BCAS3: variants seen among roughly 807,000 people sequenced by gnomAD.
BCAS3 encodes BCAS3 microtubule associated cell migration factor, also known as BCAS4/BCAS3 fusion.
A neutral mutation model predicts 116.1 loss-of-function variants in BCAS3; 53 were observed. That is an observed-to-expected ratio of 0.46 (90% confidence interval 0.37 to 0.57). BCAS3 has a LOEUF of 0.57. Ranked by LOEUF, BCAS3 falls within the 20% of genes least tolerant of loss-of-function variation. The pLI is 0.00. For synonymous variants in BCAS3, 391 were observed against 408.2 expected (o/e 0.96, Z 0.51); for missense variants, 917 against 1,165.4 (o/e 0.79, Z 3.10).
Position 61,361,869 on chromosome 17 carries a change from A to G in BCAS3, c.2426-6458A>G, listed in dbSNP as rs1209410129. ...CAGGAATTAGTGTCCTAACTCCGAC[A>G]GAGAGAACAAATTTGCCTTTCCTCC... On this transcript the variant is annotated intron_variant, in intron 22 of 23. Coordinates refer to ENST00000407086, the MANE Select transcript of BCAS3 (RefSeq NM_017679.5). The surrounding 1 kb of genome is among the most constrained non-coding windows in gnomAD (Gnocchi z 6.5). The G allele has an allele frequency of 2.0e-5, 3 of 152,232 alleles. No individual in the cohort carries two copies. The South Asian group carries it at 6.2e-4, about 32-fold the overall frequency. 9.4% of individuals were successfully genotyped at this position (152,232 alleles called of 1,614,324 possible).
chr17:60,685,317 C>T (rs1372765835), intron 3 of BCAS3, among the ~76,000 whole-genome samples: 2 of 151,884 alleles, frequency 1.3e-5, no homozygotes, highest in East Asian at 1.9e-4. Flanking sequence ...GGTGTGGTGG[C>T]GCATGCCTGT....
intron 22 of BCAS3, among the ~76,000 whole-genome samples, chr17:61,253,127 C>T (rs550700997): frequency 1.3e-5 from 2 of 151,552 alleles, no homozygotes; most frequent in Non-Finnish European, 2.9e-5. Flanking sequence ...CCACTTGCCT[C>T]GGCCTCCCAA....
intron 11 of BCAS3, among the ~76,000 whole-genome samples, chr17:60,904,399 G>C (rs903228711): frequency 2.7e-5 from 4 of 148,150 alleles, no homozygotes; most frequent in South Asian, 4.2e-4. Context: ...GCGAGACTCT[G>C]TCTCAAAACA....
At chr17:60,809,421 A>G (rs2048587802) in intron 7 of BCAS3, among the ~76,000 whole-genome samples, 1 of 152,240 alleles carries the variant, frequency 6.6e-6, no homozygotes, top group Admixed American at 6.5e-5. Flanking sequence ...TAATCTTTGC[A>G]CAATAACAGT....
chr17:61,123,285 T>G (rs2075881304), intron 22 of BCAS3, among the ~76,000 whole-genome samples: 1 of 152,048 alleles, frequency 6.6e-6, no homozygotes, highest in African/African-American at 2.4e-5. Flanking sequence ...CTACATTTCC[T>G]TAGGTGCAGC....
intron 14 of BCAS3, among the ~76,000 whole-genome samples, chr17:60,965,826 A>G (rs1159114240): frequency 6.6e-6 from 1 of 152,316 alleles, no homozygotes; most frequent in African/African-American, 2.4e-5. Context: ...CAGCAGTTGG[A>G]TAAAATGTTC....
Position 61,124,825 on chromosome 17 carries a change from C to T in BCAS3, c.2425+40261C>T, listed in dbSNP as rs1055271933. Among the ~76,000 whole-genome samples, 2 of 152,142 alleles carry T rather than the reference C, an allele frequency of 1.3e-5. No individual in the cohort carries two copies. The highest frequency in any genetic ancestry group is 4.8e-5 in the African/African-American group (2 of 41,436). On this transcript the variant is annotated intron_variant, in intron 22 of 23. Coordinates refer to ENST00000407086, the MANE Select transcript of BCAS3 (RefSeq NM_017679.5). This position sits in a 1 kb window ranked among gnomAD's most constrained non-coding sequence, Gnocchi z 4.6. The stretch of plus-strand genomic sequence containing the variant: ...GATTTTCTGTGTTAGAAGATGCTAT[C>T]GGCTCACCTGGCCTCTTAGTGACAG...
intron 14 of BCAS3, among the ~76,000 whole-genome samples, chr17:60,963,525 G>A (rs115296965): frequency 0.01 from 1,534 of 146,670 alleles, 35 homozygotes; most frequent in African/African-American, 0.037. Flanking sequence ...TTTTCAGATT[G>A]TTCCCTGTTG....
chr17:61,350,244 G>T (rs908042455), intron 22 of BCAS3, among the ~76,000 whole-genome samples: 1 of 151,738 alleles, frequency 6.6e-6, no homozygotes, highest in South Asian at 2.1e-4. Flanking sequence ...GTGAAACCCC[G>T]TCTCTACTAA....
intron 7 of BCAS3, among the ~76,000 whole-genome samples, chr17:60,837,809 G>A (rs759845670): frequency 6.6e-6 from 1 of 151,942 alleles, no homozygotes; most frequent in Non-Finnish European, 1.5e-5. Context: ...GTGCCACCAT[G>A]CTTGGCTAAT....
intron 15 of BCAS3, among the ~76,000 whole-genome samples, chr17:61,015,489 T>G (rs2065393260): frequency 6.6e-6 from 1 of 152,094 alleles, no homozygotes; most frequent in African/African-American, 2.4e-5. Context: ...GGGGTCTCAC[T>G]CTGTTGCCCA....
intron 22 of BCAS3, among the ~76,000 whole-genome samples, chr17:61,274,327 C>T (rs1322425851): frequency 8.0e-6 from 1 of 124,862 alleles, no homozygotes; most frequent in Non-Finnish European, 1.6e-5. Flanking sequence ...CTCAGTTTGT[C>T]GCCCAGGCTG....
At position 61,021,132 on chromosome 17, in the gene BCAS3, C is replaced by T. The variant is rs1024201598; in HGVS notation, c.1637+5231C>T. ...TGCAGTGGTGTGTGATCTCCACCCA[C>T]TGCAACCTCTGCTCTTGGGCTCAGG... On this transcript the variant is annotated intron_variant, in intron 16 of 23. Coordinates refer to ENST00000407086, the MANE Select transcript of BCAS3 (RefSeq NM_017679.5). This position sits in a 1 kb window ranked among gnomAD's most constrained non-coding sequence, Gnocchi z 4.6. Among the ~76,000 whole-genome samples the T allele has an allele frequency of 4.6e-5, 7 of 152,122 alleles. No individual in the cohort carries two copies. The highest frequency in any genetic ancestry group is 1.0e-4 in the Non-Finnish European group (7 of 68,018).
intron 22 of BCAS3, among the ~76,000 whole-genome samples, chr17:61,275,675 G>A (rs1344460963): frequency 1.3e-5 from 2 of 152,186 alleles, no homozygotes; most frequent in Admixed American, 6.5e-5. Flanking sequence ...AGGTGCACAT[G>A]CACTTGGCCC....
Position 61,239,335 on chromosome 17 carries a change from A to G in BCAS3, c.2426-128992A>G, listed in dbSNP as rs542857294. ...AAGATAGTTATATATCCAAGAGGAA[A>G]GCCTGAGTTTGAAATAATGATTAGC... On this transcript the variant is annotated intron_variant, in intron 22 of 23. Transcript: ENST00000407086. The surrounding 1 kb of genome is among the most constrained non-coding windows in gnomAD (Gnocchi z 4.2). 2.0e-5 allele frequency among the ~76,000 whole-genome samples: 3 copies of G among 152,366 alleles called. No homozygotes were observed. The highest frequency in any genetic ancestry group is 1.9e-4 in the East Asian group (1 of 5,188).
intron 9 of BCAS3, among the ~76,000 whole-genome samples, chr17:60,889,012 A>G (rs1002086242): frequency 6.6e-6 from 1 of 152,226 alleles, no homozygotes; most frequent in African/African-American, 2.4e-5. Context: ...GCGGCGAAGA[A>G]AACCGATTCT....
intron 7 of BCAS3, among the ~76,000 whole-genome samples, chr17:60,819,296 A>T (rs1169460915): frequency 1.3e-5 from 2 of 152,208 alleles, no homozygotes; most frequent in African/African-American, 2.4e-5. Context: ...TGCTGAACAA[A>T]TCTCAGTGGG....
chr17:60,890,312 G>T (rs2057053820), intron 10 of BCAS3, among the ~76,000 whole-genome samples: 2 of 152,112 alleles, frequency 1.3e-5, no homozygotes, highest in African/African-American at 4.8e-5. Context: ...AAATTAGCCG[G>T]GCGTGGTGGC....
chr17:60,952,400 A>G (rs2060893313), intron 14 of BCAS3, among the ~76,000 whole-genome samples: 1 of 151,824 alleles, frequency 6.6e-6, no homozygotes, highest in Non-Finnish European at 1.5e-5. Context: ...GCTCACTGCA[A>G]CCTCTGCCTC....
Sources: gnomAD v4.1 joint callset for allele counts (sites outside exome capture counted in the v4.1 genomes callset) on GRCh38, gnomAD v4.1.1 for gene constraint, Gnocchi (gnomAD v3.1) non-coding constraint, MANE v1.5 for transcripts, NCBI Gene and HGNC (gene_info 2026-07-23, HGNC 2026-07-21) for gene names.